FIP1L1: variants seen among roughly 807,000 people sequenced by gnomAD.
FIP1L1 encodes factor interacting with PAPOLA and CPSF1, also known as pre-mRNA 3'-end-processing factor FIP1.
A neutral mutation model predicts 84.6 loss-of-function variants in FIP1L1; 21 were observed. The observed-to-expected ratio is 0.25, with a 90% confidence interval of 0.18 to 0.36. FIP1L1 has a LOEUF of 0.36. Ranked by LOEUF, FIP1L1 falls within the 10% of genes least tolerant of loss-of-function variation. FIP1L1 has a pLI of 1.00. For missense variants in FIP1L1, 526 were observed against 751.1 expected (o/e 0.70, Z 3.50); for synonymous variants, 263 against 242.3 (o/e 1.09, Z -0.80).
intron 10 of FIP1L1, among the ~76,000 whole-genome samples, chr4:53,409,629 G>T (rs1755975927): frequency 6.6e-6 from 1 of 152,222 alleles, no homozygotes. Context: ...TCCTTGAGCT[G>T]TGGTGGGCTC....
At chr4:53,444,209 A>G in intron 15 of FIP1L1, 106 bp downstream of exon 15, 1 of 695,066 alleles carries the variant, frequency 1.4e-6, no homozygotes, top group Non-Finnish European at 2.5e-6. Context: ...TTACAGAGCA[A>G]TTAAAAAATA....
At position 53,414,673 on chromosome 4, in the gene FIP1L1, G is replaced by A. The variant is rs778869352; in HGVS notation, c.874G>A (p.Val292Ile). 49 of 1,613,392 alleles carry A rather than the reference G, an allele frequency of 3.0e-5. No homozygotes were observed. Among genetic ancestry groups the A allele is most frequent in the Middle Eastern group, 1.6e-4 (1 of 6,084 alleles). The change falls in exon 11 of 18, where the codon GTT becomes ATT. Residue 292 changes from valine to isoleucine, a missense_variant. Around this residue, in one of 6 missense-constraint regions of FIP1L1, gnomAD observed 80 missense variants for 151.1 expected, o/e 0.53. Coordinates refer to ENST00000337488, the MANE Select transcript of FIP1L1 (RefSeq NM_030917.4). ...TGCCTCCAGAAAAGCCAATTCAAGC[G>A]TTGGGAAGTGGCAGGATCGATATGG... Reference protein sequence around the residue: ...STASRKANSSVGKWQDRYGRA... With the variant: ...STASRKANSSIGKWQDRYGRA...
Position 53,415,208 on chromosome 4 carries a change from C to T in FIP1L1, c.923+486C>T, listed in dbSNP as rs543269892. On this transcript the variant is annotated intron_variant, in intron 11 of 17. Coordinates refer to ENST00000337488, the MANE Select transcript of FIP1L1 (RefSeq NM_030917.4). ...TAGCTGCCCTGGAATATGCTATTTC[C>T]CTTATTGTTGTTATGCTTTTGTTAA... 2.6e-5 allele frequency among the ~76,000 whole-genome samples: 4 copies of T among 152,084 alleles called. No homozygotes were observed. In the South Asian group the frequency reaches 8.3e-4, roughly 31 times the overall value.
chr4:53,414,744 G>A (rs1158284528), intron 11 of FIP1L1, 22 bp downstream of exon 11: 1 of 1,434,750 alleles, frequency 7.0e-7, no homozygotes, highest in East Asian at 2.3e-5. Flanking sequence ...TTTAAACATT[G>A]GATACTCCCT....
intron 15 of FIP1L1, among the ~76,000 whole-genome samples, chr4:53,447,845 T>C (rs1453479602): frequency 6.6e-6 from 1 of 152,122 alleles, no homozygotes; most frequent in Non-Finnish European, 1.5e-5. Context: ...TTTTAAATAT[T>C]CTTGTGCATG....
intron 13 of FIP1L1, chr4:53,440,611 A>G: frequency 6.6e-7 from 1 of 1,521,922 alleles, no homozygotes. Context: ...ACCTCCAGGT[A>G]AAACTTTTTT....
chr4:53,428,001 TTTAA>T (rs1319155925), intron 12 of FIP1L1, 22 bp from the exon 13 acceptor site: 2 of 1,555,714 alleles, frequency 1.3e-6, no homozygotes, highest in Non-Finnish European at 1.8e-6. Context: ...TATGCATCTG[TTTAA>T]TTAACTGTGC....
intron 8 of FIP1L1, 84 bp downstream of exon 8, chr4:53,391,223 TG>T: frequency 7.0e-7 from 1 of 1,436,930 alleles, no homozygotes; most frequent in Non-Finnish European, 9.5e-7. Context: ...CCTATAAAAG[TG>T]GTTAAATGCT....
At chr4:53,457,961 G>A (rs573990115) in intron 16 of FIP1L1, among the ~76,000 whole-genome samples, 64 of 152,182 alleles carry the variant, frequency 4.2e-4, no homozygotes, top group African/African-American at 1.5e-3. Flanking sequence ...ATCAGAAAAT[G>A]GAGATGCAGC....
chr4:53,458,570 G>A, intron 16 of FIP1L1, 83 bp from the exon 17 acceptor site: 1 of 1,416,102 alleles, frequency 7.1e-7, no homozygotes. Context: ...GATTTGGACT[G>A]CAGATCACAT....
chr4:53,449,068 C>CT (rs1399352429), intron 15 of FIP1L1, among the ~76,000 whole-genome samples: 8 of 149,414 alleles, frequency 5.4e-5, no homozygotes, highest in East Asian at 3.9e-4. Flanking sequence ...AGTTTTGCTC[C>CT]TTTTTTTTTC....
chr4:53,392,675 G>T (rs1251667950), intron 9 of FIP1L1, among the ~76,000 whole-genome samples: 3 of 152,106 alleles, frequency 2.0e-5, no homozygotes, highest in Admixed American at 2.0e-4. Flanking sequence ...ATCATAAACT[G>T]TTAGCTTCTG....
intron 15 of FIP1L1, among the ~76,000 whole-genome samples, chr4:53,450,731 A>G (rs1241991219): frequency 6.6e-6 from 1 of 152,202 alleles, no homozygotes; most frequent in Non-Finnish European, 1.5e-5. Flanking sequence ...TTAATCCACC[A>G]GTAATTGAGA....
chr4:53,459,606 C>A lies in FIP1L1; in HGVS notation c.*157C>A. 9.8e-7 allele frequency: 1 copy of A among 1,015,524 alleles called. No homozygotes were observed. Among genetic ancestry groups the A allele is most frequent in the Non-Finnish European group, 1.5e-6 (1 of 680,428 alleles). The allele number at this position is 1,015,524 out of a possible 1,614,324, so 62.9% of individuals were successfully genotyped here. ...TTCCAAAATAAAAGAGTGAATTTTT[C>A]ATGTTAAGTTAAAAATCTTTGTCTT... On this transcript the variant is annotated 3_prime_UTR_variant, in exon 18 of 18. Transcript: ENST00000337488.
chr4:53,391,861 A>G (rs879685669), intron 9 of FIP1L1, among the ~76,000 whole-genome samples: 3 of 152,116 alleles, frequency 2.0e-5, no homozygotes, highest in Non-Finnish European at 4.4e-5. Flanking sequence ...TGTTCTCTTT[A>G]AAAAAATGGT....
At chr4:53,383,052 A>G (rs138638802) in intron 4 of FIP1L1, among the ~76,000 whole-genome samples, 19 of 151,584 alleles carry the variant, frequency 1.3e-4, no homozygotes, top group African/African-American at 3.9e-4. Context: ...GATTTGGTAC[A>G]TTGTATTTGT....
intron 10 of FIP1L1, among the ~76,000 whole-genome samples, chr4:53,403,801 T>C (rs1480244492): frequency 6.6e-6 from 1 of 152,212 alleles, no homozygotes; most frequent in Admixed American, 6.5e-5. Context: ...TTGCAGTTTT[T>C]GGTGCATCTC....
At chr4:53,419,634 T>C (rs1761280108) in intron 11 of FIP1L1, among the ~76,000 whole-genome samples, 2 of 152,020 alleles carry the variant, frequency 1.3e-5, no homozygotes, top group East Asian at 3.9e-4. Context: ...AGATGAGGTC[T>C]CACTATGTTG....
chr4:53,383,233 CA>C (rs1201420506), intron 4 of FIP1L1, among the ~76,000 whole-genome samples: 1 of 151,958 alleles, frequency 6.6e-6, no homozygotes, highest in Non-Finnish European at 1.5e-5. Context: ...TTGTTTACCA[CA>C]AGGAGATGAT....
Sources: allele counts gnomAD v4.1 joint callset (sites outside exome capture counted in the v4.1 genomes callset), GRCh38; gene constraint gnomAD v4.1.1; regional missense constraint gnomAD v4.1.1; transcripts MANE v1.5; gene names NCBI Gene and HGNC (gene_info 2026-07-23, HGNC 2026-07-21).